The following GPRC6A variants were observed in gnomAD, a reference collection of about 807,000 sequenced individuals.
GPRC6A encodes G protein-coupled receptor class C group 6 member A.
A neutral mutation model predicts 47.0 loss-of-function variants in GPRC6A; 54 were observed. That is an observed-to-expected ratio of 1.15 (90% CI 0.92 to 1.44). The LOEUF (loss-of-function observed/expected upper bound fraction) is 1.44, where lower values mean the gene tolerates loss of function less well. Among genes scored for constraint, GPRC6A ranks in the 40% most tolerant of loss-of-function variants. The probability of loss-of-function intolerance (pLI) is 0.00; values close to 1 mark genes in which losing one functional copy is unlikely to be tolerated. For synonymous variants in GPRC6A, 347 were observed against 377.1 expected (o/e 0.92, Z 0.93); for missense variants, 1,112 against 1,105.5 (o/e 1.01, Z -0.08).
At chr6:116,819,158 C>G (rs1202203151) in intron 1 of GPRC6A, among the ~76,000 whole-genome samples, 1 of 152,084 alleles carries the variant, frequency 6.6e-6, no homozygotes, top group Non-Finnish European at 1.5e-5. Flanking sequence ...GAAGAGCTAA[C>G]TATCCTAAAT....
chr6:116,805,822 A>G (rs1411215960), intron 3 of GPRC6A, among the ~76,000 whole-genome samples: 1 of 152,012 alleles, frequency 6.6e-6, no homozygotes, highest in Non-Finnish European at 1.5e-5. Context: ...ACACATAAAG[A>G]CCATTAGAGT....
chr6:116,804,655 A>T (rs981672765), intron 3 of GPRC6A, among the ~76,000 whole-genome samples: 4 of 152,086 alleles, frequency 2.6e-5, no homozygotes, highest in Admixed American at 6.6e-5. Flanking sequence ...GAATGACTCC[A>T]GGCTCCTAGT....
rs1211619732 is a variant in GPRC6A, at chr6:116,792,181, T to C, written c.2742A>G (p.Val914=). The change falls in exon 6 of 6, where the codon GTA becomes GTG. Residue 914 remains valine (V), a synonymous_variant. Transcript: ENST00000310357. Reference sequence around the variant, plus strand: ...TTCTTTTTCGAGGCAAAGTTTTAGATACACTTGTGGCATTTTCCCTGCATA... The same window carrying C: ...TTCTTTTTCGAGGCAAAGTTTTAGACACACTTGTGGCATTTTCCCTGCATA... ...AHICRENATS[V]SKTLPRKRMS... The C allele has an allele frequency of 2.5e-6, 4 of 1,613,818 alleles. No individual in the cohort carries two copies. Among genetic ancestry groups the C allele is most frequent in the South Asian group, 2.2e-5 (2 of 91,048 alleles).
chr6:116,799,875 C>T (rs1772605791), intron 4 of GPRC6A, among the ~76,000 whole-genome samples: 1 of 152,070 alleles, frequency 6.6e-6, no homozygotes, highest in South Asian at 2.1e-4. Context: ...AGGAGCTGAC[C>T]TTGACTAGGG....
chr6:116,820,219 G>A (rs1421082268), intron 1 of GPRC6A, among the ~76,000 whole-genome samples: 10 of 152,078 alleles, frequency 6.6e-5, no homozygotes, highest in Non-Finnish European at 8.8e-5. Flanking sequence ...ATAATCAATA[G>A]TTTACCAACC....
chr6:116,825,424 G>C (rs141720453), intron 1 of GPRC6A, among the ~76,000 whole-genome samples: 1 of 151,466 alleles, frequency 6.6e-6, no homozygotes, highest in African/African-American at 2.4e-5. Context: ...TTTGTACACC[G>C]GTAGTGAAAC....
chr6:116,793,311 T>A, intron 5 of GPRC6A, 61 bp from the exon 6 acceptor site: 1 of 1,174,304 alleles, frequency 8.5e-7, no homozygotes, highest in East Asian at 2.5e-5. Flanking sequence ...TAGTCCACAA[T>A]ACTACAAATG....
At position 116,828,708 on chromosome 6, in the gene GPRC6A, C is replaced by T. The variant is rs1773746929; in HGVS notation, c.194+112G>A. ...ATTAACCATATGCAACTTAAAAATA[C>T]ATATGAGTTTATTTTTTTAAATGAT... On this transcript the variant is annotated intron_variant, in intron 1 of 5. Coordinates refer to ENST00000310357, the MANE Select transcript of GPRC6A (RefSeq NM_148963.4). 8 of 878,348 alleles carry T rather than the reference C, an allele frequency of 9.1e-6. No individual in the cohort carries two copies. The South Asian group carries it at 1.4e-4, about 16-fold the overall frequency. The allele number at this position is 878,348 out of a possible 1,614,324, so 54.4% of individuals were successfully genotyped here. A position where few individuals can be genotyped will look rare whatever the true frequency, so the allele number is the denominator to read the frequency against.
Position 116,795,770 on chromosome 6 carries a change from T to C in GPRC6A, c.1614A>G (p.Gln538=). Residue 538 remains glutamine (Q), a synonymous_variant, in exon 5 of 6, where the codon CAA becomes CAG. Transcript: ENST00000310357. ...TCTGACATTCATAGCAACAGATGTG[T>C]TGACTTCTTGTAGTTTTCTTCATTT... ...PGQMKKTTRS[Q]HICCYECQNC... is the part of the protein sequence containing the mutation. The C allele has an allele frequency of 6.2e-7, 1 of 1,609,572 alleles. No individual in the cohort carries two copies. The highest frequency in any genetic ancestry group is 8.5e-7 in the Non-Finnish European group (1 of 1,176,192).
intron 1 of GPRC6A, among the ~76,000 whole-genome samples, chr6:116,816,849 T>C (rs910485945): frequency 1.3e-5 from 2 of 150,772 alleles, no homozygotes; most frequent in Admixed American, 6.6e-5. Context: ...AACGGCGCAC[T>C]ACGAGATTAT....
At chr6:116,799,185 C>T (rs929562904) in intron 4 of GPRC6A, among the ~76,000 whole-genome samples, 9 of 152,102 alleles carry the variant, frequency 5.9e-5, no homozygotes, top group South Asian at 2.1e-4. Context: ...TTGACTGCTA[C>T]GCATCCAGGT....
At position 116,795,835 on chromosome 6, in the gene GPRC6A, G is replaced by T. The variant is rs1772469228; in HGVS notation, c.1549C>A (p.Gln517Lys). ...ETKNEFRNLK[Q>K]IQSKCSKECS... Reference sequence around the variant, plus strand: ...TCCTTGGAGCATTTAGATTGAATTTGCTATATTAAAAGTGAAAAAAAAAAT... The same window carrying T: ...TCCTTGGAGCATTTAGATTGAATTTTCTATATTAAAAGTGAAAAAAAAAAT... Residue 517 changes from glutamine to lysine, a missense_variant and splice_region_variant, in exon 5 of 6, where the codon CAA (glutamine) becomes AAA (lysine). Coordinates refer to ENST00000310357, the MANE Select transcript of GPRC6A (RefSeq NM_148963.4). 2 of 1,585,250 alleles carry T rather than the reference G, an allele frequency of 1.3e-6. No individual in the cohort carries two copies. Among genetic ancestry groups the T allele is most frequent in the Non-Finnish European group, 1.7e-6 (2 of 1,164,022 alleles).
Position 116,793,003 on chromosome 6 carries a change from A to G in GPRC6A, c.1920T>C (p.His640=), listed in dbSNP as rs1303463108. The change falls in exon 6 of 6, where the codon CAT becomes CAC. Residue 640 remains histidine (H), a synonymous_variant. Coordinates refer to ENST00000310357, the MANE Select transcript of GPRC6A (RefSeq NM_148963.4). ...LRVCYVILLC[H]FLNFASTSFF... ...AGCTCGTGCTGGCAAAATTGAGGAA[A>G]TGACAGAGAAGGATCACATAGCAGA... 1.9e-6 allele frequency: 3 copies of G among 1,614,110 alleles called. No homozygotes were observed. Among genetic ancestry groups the G allele is most frequent in the Non-Finnish European group, 2.5e-6 (3 of 1,179,994 alleles).
chr6:116,815,274 G>A (rs892596310), intron 1 of GPRC6A, among the ~76,000 whole-genome samples: 7 of 152,146 alleles, frequency 4.6e-5, no homozygotes, highest in Admixed American at 4.6e-4. Flanking sequence ...CTTGAGGTCA[G>A]GACTTTAAGA....
In GPRC6A at chr6:116,829,010, C is replaced by T; in HGVS notation, c.4G>A (p.Ala2Thr). The change falls in exon 1 of 6, where the codon GCA (alanine) becomes ACA (threonine). Residue 2 changes from alanine to threonine, a missense_variant. Transcript: ENST00000310357. M[A>T]FLIILITCFV... Reference sequence around the variant, plus strand: ...CAGGTAATTAGTATAATTAAGAATGCCATGTTTCTATCTCATTTGCTCAGT... The same window carrying T: ...CAGGTAATTAGTATAATTAAGAATGTCATGTTTCTATCTCATTTGCTCAGT... 1 of 1,609,132 alleles carries T rather than the reference C, an allele frequency of 6.2e-7. No homozygotes were observed.
chr6:116,815,484 A>G (rs1176316222), intron 1 of GPRC6A, among the ~76,000 whole-genome samples: 1 of 152,202 alleles, frequency 6.6e-6, no homozygotes, highest in Non-Finnish European at 1.5e-5. Context: ...CTTCATCTCA[A>G]GAAAAGGACT....
chr6:116,808,973 C>T, intron 2 of GPRC6A, among the ~76,000 whole-genome samples: 1 of 152,192 alleles, frequency 6.6e-6, no homozygotes, highest in East Asian at 1.9e-4. Context: ...TTACAAGATG[C>T]TACATGACCC....
intron 2 of GPRC6A, among the ~76,000 whole-genome samples, chr6:116,807,476 A>T (rs1772891971): frequency 6.6e-6 from 1 of 152,052 alleles, no homozygotes; most frequent in Non-Finnish European, 1.5e-5. Context: ...TATTTATCTT[A>T]TATCTTTGGC....
chr6:116,819,563 A>G (rs919880252), intron 1 of GPRC6A, among the ~76,000 whole-genome samples: 1 of 152,166 alleles, frequency 6.6e-6, no homozygotes, highest in Non-Finnish European at 1.5e-5. Context: ...CTCACTCAAA[A>G]CCGCTCAAAT....
Sources: gnomAD v4.1 joint callset for allele counts (sites outside exome capture counted in the v4.1 genomes callset) on GRCh38, gnomAD v4.1.1 for gene constraint, MANE v1.5 for transcripts, NCBI Gene and HGNC (gene_info 2026-07-23, HGNC 2026-07-21) for gene names.